The following EEIG2 variants were observed in gnomAD, a reference collection of about 807,000 sequenced individuals.
EEIG2 encodes the protein EEIG family member 2.
chr1:108,565,416 T>C, the EEIG2 span, among the ~76,000 whole-genome samples: 1 of 152,204 alleles, frequency 6.6e-6, no homozygotes, highest in South Asian at 2.1e-4. Flanking sequence ...ATGACTGTAT[T>C]TCTGAAGATG....
At chr1:108,623,064 G>A in the EEIG2 span, among the ~76,000 whole-genome samples, 3 of 151,144 alleles carry the variant, frequency 2.0e-5, no homozygotes, top group Admixed American at 1.3e-4. Flanking sequence ...ATGAGACCCT[G>A]TCTCTAAAAA....
At chr1:108,623,920 C>T in the EEIG2 span, among the ~76,000 whole-genome samples, 1 of 152,126 alleles carries the variant, frequency 6.6e-6, no homozygotes, top group Admixed American at 6.5e-5. Flanking sequence ...GATCCACCCG[C>T]CTTGGCCTCC....
At chr1:108,639,202 C>A in the EEIG2 span, 1 of 147,394 alleles carries the variant, frequency 6.8e-6, no homozygotes. Flanking sequence ...TTTGTTTCAA[C>A]TATCCAGTGA....
the EEIG2 span, among the ~76,000 whole-genome samples, chr1:108,608,915 T>C: frequency 6.6e-6 from 1 of 152,220 alleles, no homozygotes; most frequent in Non-Finnish European, 1.5e-5. Context: ...CATGGTGTCC[T>C]CAAATGGCAG....
the EEIG2 span, among the ~76,000 whole-genome samples, chr1:108,603,368 T>C: frequency 6.6e-6 from 1 of 152,198 alleles, no homozygotes; most frequent in Non-Finnish European, 1.5e-5. Flanking sequence ...GGGGCCTTGA[T>C]AAACACCTCA....
the EEIG2 span, among the ~76,000 whole-genome samples, chr1:108,608,465 T>TA: frequency 1.5e-4 from 23 of 152,346 alleles, no homozygotes; most frequent in African/African-American, 5.3e-4. Flanking sequence ...CTGGGACAAA[T>TA]ACAGCTAGTG....
At chr1:108,580,742 A>G in the EEIG2 span, among the ~76,000 whole-genome samples, 1 of 152,310 alleles carries the variant, frequency 6.6e-6, no homozygotes, top group South Asian at 2.1e-4. Context: ...AGGTGAGGGA[A>G]GTGCAAAAGA....
At chr1:108,625,772 C>CTGTGTG in the EEIG2 span, 7 of 109,414 alleles carry the variant, frequency 6.4e-5, no homozygotes, top group African/African-American at 2.2e-4. Flanking sequence ...CTCTCTCTCT[C>CTGTGTG]TCTGTGTGTG....
At chr1:108,578,266 C>A in the EEIG2 span, among the ~76,000 whole-genome samples, 1 of 119,410 alleles carries the variant, frequency 8.4e-6, no homozygotes, top group Non-Finnish European at 1.7e-5. Context: ...TTGACTTCCT[C>A]TTTTCCTAAT....
the EEIG2 span, among the ~76,000 whole-genome samples, chr1:108,574,275 A>G: frequency 1.3e-5 from 2 of 152,268 alleles, no homozygotes; most frequent in South Asian, 4.1e-4. Context: ...AAAGACAAAT[A>G]CTTTATGATT....
the EEIG2 span, chr1:108,628,432 T>C: frequency 1.2e-6 from 2 of 1,614,064 alleles, no homozygotes; most frequent in East Asian, 2.2e-5. Context: ...CTAGTTTCTC[T>C]GAGCTCTGCC....
the EEIG2 span, among the ~76,000 whole-genome samples, chr1:108,611,166 T>G: frequency 6.6e-6 from 1 of 152,230 alleles, no homozygotes. Flanking sequence ...GCCATTTATA[T>G]GTGCCCACTG....
the EEIG2 span, chr1:108,635,275 T>G: frequency 7.7e-7 from 1 of 1,296,342 alleles, no homozygotes; most frequent in Non-Finnish European, 1.1e-6. Flanking sequence ...CCAATGCTGG[T>G]TTCTTCTCTG....
chr1:108,581,304 ATT>A, the EEIG2 span, among the ~76,000 whole-genome samples: 3 of 152,186 alleles, frequency 2.0e-5, no homozygotes, highest in African/African-American at 7.2e-5. Context: ...CAAGATAAAT[ATT>A]GTTTTCATGC....
At chr1:108,633,067 G>A in the EEIG2 span, among the ~76,000 whole-genome samples, 1 of 150,844 alleles carries the variant, frequency 6.6e-6, no homozygotes, top group East Asian at 2.0e-4. Flanking sequence ...TTACAGGCAT[G>A]AGCCGTTGTG....
chr1:108,619,753 G>A, the EEIG2 span, among the ~76,000 whole-genome samples: 205 of 152,290 alleles, frequency 1.3e-3, no homozygotes, highest in Non-Finnish European at 2.3e-3. Context: ...TTAGCCAGGC[G>A]TGGTGGTGCG....
chr1:108,594,775 A>G, the EEIG2 span, among the ~76,000 whole-genome samples: 1 of 152,156 alleles, frequency 6.6e-6, no homozygotes, highest in Non-Finnish European at 1.5e-5. Context: ...TTCCCGTAAG[A>G]TTAAAAGACA....
the EEIG2 span, among the ~76,000 whole-genome samples, chr1:108,589,694 T>G: frequency 1.2e-4 from 18 of 151,700 alleles, no homozygotes; most frequent in Non-Finnish European, 2.5e-4. Context: ...AACTCTGCCC[T>G]CTTCCCTTTC....
chr1:108,609,049 T>C, the EEIG2 span, among the ~76,000 whole-genome samples: 1 of 152,168 alleles, frequency 6.6e-6, no homozygotes, highest in African/African-American at 2.4e-5. Context: ...TACCACCCTT[T>C]TGGGGGTTAG....
Sources: gnomAD v4.1 joint callset for allele counts (sites outside exome capture counted in the v4.1 genomes callset) on GRCh38, gnomAD v4.1.1 for gene constraint, MANE v1.5 for transcripts, NCBI Gene and HGNC (gene_info 2026-07-23, HGNC 2026-07-21) for gene names.